Variants in ALG14 observed in about 807,000 individuals in gnomAD.
ALG14 encodes ALG14 UDP-N-acetylglucosaminyltransferase subunit, also known as UDP-N-acetylglucosamine transferase subunit ALG14.
Under a neutral mutation model 22.8 loss-of-function variants are expected in ALG14, and 17 were observed. The observed-to-expected ratio is 0.75, with a 90% CI of 0.51 to 1.12. The LOEUF (loss-of-function observed/expected upper bound fraction) is 1.12. Among genes scored for constraint, ALG14 ranks in the 50% most tolerant of loss-of-function variants. ALG14 has a pLI of 0.00. For missense variants in ALG14, 288 were observed against 271.8 expected (o/e 1.06, Z -0.42); for synonymous variants, 89 against 103.7 (o/e 0.86, Z 0.86).
chr1:95,038,068 G>A (rs1571636642), intron 2 of ALG14, among the ~76,000 whole-genome samples: 6 of 152,330 alleles, frequency 3.9e-5, no homozygotes, highest in Admixed American at 2.6e-4. Context: ...TGGACCAGGT[G>A]CGGTGGTTCA....
chr1:95,068,444 G>A (rs937724121), intron 1 of ALG14, among the ~76,000 whole-genome samples: 1 of 152,026 alleles, frequency 6.6e-6, no homozygotes, highest in Non-Finnish European at 1.5e-5. Context: ...CTGCGACCAT[G>A]CCCAGCTAAT....
At chr1:95,014,583 A>G (rs1321623558) in intron 3 of ALG14, among the ~76,000 whole-genome samples, 1 of 152,242 alleles carries the variant, frequency 6.6e-6, no homozygotes, top group African/African-American at 2.4e-5. Flanking sequence ...CTCTAGTCTC[A>G]GCTCACAGCA....
intron 3 of ALG14, among the ~76,000 whole-genome samples, chr1:94,986,514 C>T (rs1672646743): frequency 6.6e-6 from 1 of 151,990 alleles, no homozygotes; most frequent in African/African-American, 2.4e-5. Context: ...TGCTCTGTCA[C>T]CAGGCTATAG....
At chr1:94,995,037 G>A (rs928021811) in intron 3 of ALG14, among the ~76,000 whole-genome samples, 1 of 152,198 alleles carries the variant, frequency 6.6e-6, no homozygotes. Context: ...ACTCTCTTAA[G>A]TAGGTAAGTG....
chr1:95,050,490 A>G, intron 2 of ALG14, among the ~76,000 whole-genome samples: 1 of 152,232 alleles, frequency 6.6e-6, no homozygotes, highest in East Asian at 1.9e-4. Context: ...TAGCAATATA[A>G]ACTAGCTTTA....
intron 1 of ALG14, among the ~76,000 whole-genome samples, chr1:95,069,110 C>T (rs1675474060): frequency 6.6e-6 from 1 of 152,198 alleles, no homozygotes; most frequent in Non-Finnish European, 1.5e-5. Context: ...TCAAAAGGCT[C>T]CTATTTGTTT....
At chr1:95,059,042 A>G (rs1675040733) in intron 2 of ALG14, among the ~76,000 whole-genome samples, 1 of 151,970 alleles carries the variant, frequency 6.6e-6, no homozygotes, top group African/African-American at 2.4e-5. Flanking sequence ...TTTAATTTTG[A>G]TAAGCACTTT....
chr1:95,059,173 C>T (rs528041289), intron 2 of ALG14, among the ~76,000 whole-genome samples: 13 of 151,790 alleles, frequency 8.6e-5, no homozygotes, highest in Non-Finnish European at 1.6e-4. Context: ...CTGAGGCAAG[C>T]GGATGACGAG....
intron 3 of ALG14, among the ~76,000 whole-genome samples, chr1:94,998,010 C>T (rs535637466): frequency 1.3e-5 from 2 of 152,100 alleles, no homozygotes; most frequent in African/African-American, 2.4e-5. Flanking sequence ...ATTGAAGAGC[C>T]TTTTAAGGGG....
chr1:95,068,267 T>A (rs1001998853), intron 1 of ALG14, among the ~76,000 whole-genome samples: 2 of 152,204 alleles, frequency 1.3e-5, no homozygotes, highest in Admixed American at 1.3e-4. Flanking sequence ...AAAGTAGTTT[T>A]GGCAAATGTT....
intron 3 of ALG14, among the ~76,000 whole-genome samples, chr1:94,989,655 C>G (rs905903572): frequency 1.3e-5 from 2 of 152,214 alleles, no homozygotes; most frequent in Admixed American, 6.5e-5. Context: ...GCAACAGTAG[C>G]AGCAGCATCT....
At chr1:95,060,379 G>A (rs1302674105) in intron 2 of ALG14, among the ~76,000 whole-genome samples, 1 of 152,098 alleles carries the variant, frequency 6.6e-6, no homozygotes, top group Non-Finnish European at 1.5e-5. Context: ...GAGATGCTTA[G>A]TCCTACATTG....
At chr1:94,998,225 G>A (rs765056294) in intron 3 of ALG14, among the ~76,000 whole-genome samples, 10 of 152,274 alleles carry the variant, frequency 6.6e-5, no homozygotes, top group Non-Finnish European at 1.2e-4. Flanking sequence ...TGAGTCTGAC[G>A]GAGCGTTTCC....
rs1462395217 is a variant in ALG14 at position 95,054,714 on chromosome 1, GT to G, written c.288+10151del. Among the ~76,000 whole-genome samples the G allele has an allele frequency of 2.6e-5, 4 of 152,262 alleles. No homozygotes were observed. The East Asian group carries it at 5.8e-4, about 22-fold the overall frequency. The stretch of plus-strand genomic sequence containing the variant: ...AAAAAGAACACATCAGGCCCAGGTG[GT>G]TTTGTCTTAGACAAGTTCTGCAAAA... On this transcript the variant is annotated intron_variant, in intron 2 of 3. Coordinates refer to ENST00000370205, the MANE Select transcript of ALG14 (RefSeq NM_144988.4).
chr1:94,991,643 C>T (rs1672776523), intron 3 of ALG14, among the ~76,000 whole-genome samples: 1 of 152,224 alleles, frequency 6.6e-6, no homozygotes, highest in East Asian at 1.9e-4. Context: ...CATTCCTGTA[C>T]ACTATGGTAG....
At chr1:95,049,781 G>A (rs756612015) in intron 2 of ALG14, among the ~76,000 whole-genome samples, 28 of 151,986 alleles carry the variant, frequency 1.8e-4, no homozygotes, top group South Asian at 8.3e-4. Context: ...TGAGACAGGA[G>A]GATCACTTGA....
Position 95,057,137 on chromosome 1 carries a change from T to C in ALG14, c.288+7729A>G, listed in dbSNP as rs1430365882. ...AGCAGGAAGAAAATGTATACCGTTT[T>C]ATATATATATAAATAAATATATATA... On this transcript the variant is annotated intron_variant, in intron 2 of 3. Coordinates refer to ENST00000370205, the MANE Select transcript of ALG14 (RefSeq NM_144988.4). Among the ~76,000 whole-genome samples the C allele has an allele frequency of 2.7e-5, 4 of 150,828 alleles. 1 individual carries two copies. The East Asian group carries it at 8.0e-4, about 30-fold the overall frequency.
chr1:94,984,944 T>C (rs1672600166), intron 3 of ALG14, among the ~76,000 whole-genome samples: 1 of 152,198 alleles, frequency 6.6e-6, no homozygotes, highest in Non-Finnish European at 1.5e-5. Flanking sequence ...CTCTTTTTTT[T>C]CTTTTTTTTG....
chr1:94,981,326 C>G lies in ALG14; in HGVS notation c.*1750G>C, dbSNP rs548625476. The G allele has an allele frequency of 6.6e-6, 1 of 152,264 alleles. No homozygotes were observed. Among genetic ancestry groups the G allele is most frequent in the East Asian group, 1.9e-4 (1 of 5,186 alleles). 9.4% of individuals were successfully genotyped at this position (152,264 alleles called of 1,614,324 possible). ...CTGCCCCAGGCCCACTAAATCCAGA[C>G]AGCAAAGTGTTCTCACCATTCTGAG... On this transcript the variant is annotated 3_prime_UTR_variant, in exon 4 of 4. Transcript: ENST00000370205.
Sources: allele counts gnomAD v4.1 joint callset (sites outside exome capture counted in the v4.1 genomes callset), GRCh38; gene constraint gnomAD v4.1.1; transcripts MANE v1.5; gene names NCBI Gene and HGNC (gene_info 2026-07-23, HGNC 2026-07-21).